Variants in KIAA0513 observed in about 807,000 individuals in gnomAD.
The protein encoded by KIAA0513 is uncharacterized protein KIAA0513.
Under a neutral mutation model 56.5 loss-of-function variants are expected in KIAA0513, and 39 were observed. The ratio of observed to expected loss-of-function variants is 0.69; its 90% confidence interval spans 0.53 to 0.90. KIAA0513 has a LOEUF of 0.90. Ranked by LOEUF, KIAA0513 falls within the 40% of genes least tolerant of loss-of-function variation. The pLI is 0.00. For missense variants in KIAA0513, 591 were observed against 535.2 expected, an observed-to-expected ratio of 1.10 and a Z score of -1.03; for synonymous variants, 268 against 215.6, an observed-to-expected ratio of 1.24 and a Z score of -2.13.
At chr16:85,059,172 G>A (rs368494765) in intron 1 of KIAA0513, among the ~76,000 whole-genome samples, 1 of 152,202 alleles carries the variant, frequency 6.6e-6, no homozygotes, top group African/African-American at 2.4e-5. Context: ...TTTTGGCTCA[G>A]ATAGGGTGTC....
chr16:85,035,178 C>A (rs1448337273), intron 1 of KIAA0513, among the ~76,000 whole-genome samples: 1 of 152,230 alleles, frequency 6.6e-6, no homozygotes, highest in Non-Finnish European at 1.5e-5. Flanking sequence ...GGTCTGTCCC[C>A]CATTCCGTGG....
At chr16:85,029,633 C>G (rs994513573) in intron 1 of KIAA0513, among the ~76,000 whole-genome samples, 1 of 152,190 alleles carries the variant, frequency 6.6e-6, no homozygotes, top group Non-Finnish European at 1.5e-5. Context: ...TCTCTCTCCT[C>G]CCACCTCCTC....
Position 85,066,949 on chromosome 16 carries a change from G to A in KIAA0513, c.-123G>A, listed in dbSNP as rs117934807. ...TGTGAAGGACTCATTCTTGGTAGCC[G>A]GCAGTTACTGGCAACTTGTGAGCTT... On this transcript the variant is annotated 5_prime_UTR_variant, in exon 2 of 13. Coordinates refer to ENST00000683363, the MANE Select transcript of KIAA0513 (RefSeq NM_001388359.1). The A allele has an allele frequency of 5.3e-4, 388 of 736,212 alleles. 2 individuals are homozygous for A. In the East Asian group the frequency reaches 6.0e-3, roughly 11 times the overall value. 45.6% of individuals were successfully genotyped at this position (736,212 alleles called of 1,614,324 possible).
At chr16:85,062,211 AACACAC>A (rs5818523) in intron 1 of KIAA0513, among the ~76,000 whole-genome samples, 1 of 149,376 alleles carries the variant, frequency 6.7e-6, no homozygotes, top group Non-Finnish European at 1.5e-5. Context: ...TACGTACGTA[AACACAC>A]ACACACACAC....
chr16:85,044,626 C>G (rs2073147217), intron 1 of KIAA0513, among the ~76,000 whole-genome samples: 1 of 151,856 alleles, frequency 6.6e-6, no homozygotes, highest in East Asian at 1.9e-4. Context: ...TCTGCCTCAG[C>G]CTACCAAGTA....
intron 1 of KIAA0513, among the ~76,000 whole-genome samples, chr16:85,050,905 C>T (rs2073244177): frequency 6.6e-6 from 1 of 152,158 alleles, no homozygotes. Context: ...CCTGTAATCC[C>T]AGCACTTCAG....
chr16:85,067,556 C>T (rs1269304427), intron 2 of KIAA0513, among the ~76,000 whole-genome samples, 156 bp downstream of exon 2: 1 of 152,202 alleles, frequency 6.6e-6, no homozygotes, highest in Admixed American at 6.5e-5. Context: ...GGGCCTCACT[C>T]CACTCCAGGC....
At chr16:85,044,544 G>T (rs1309495103) in intron 1 of KIAA0513, among the ~76,000 whole-genome samples, 1 of 147,966 alleles carries the variant, frequency 6.8e-6, no homozygotes, top group Non-Finnish European at 1.5e-5. Context: ...GACTCGCCCT[G>T]TCGCCAGGCT....
chr16:85,049,785 G>T (rs1412911439), intron 1 of KIAA0513, among the ~76,000 whole-genome samples: 1 of 152,066 alleles, frequency 6.6e-6, no homozygotes, highest in South Asian at 2.1e-4. Flanking sequence ...CCAGTCTCGG[G>T]TATTTCGTTA....
At chr16:85,062,397 G>T (rs1179400409) in intron 1 of KIAA0513, among the ~76,000 whole-genome samples, 1 of 152,182 alleles carries the variant, frequency 6.6e-6, no homozygotes, top group Non-Finnish European at 1.5e-5. Context: ...AATTTGGTTG[G>T]TGGAAGCCTC....
At chr16:85,078,369 T>G in intron 6 of KIAA0513, 46 bp from the exon 7 acceptor site, 1 of 1,608,638 alleles carries the variant, frequency 6.2e-7, no homozygotes, top group South Asian at 1.1e-5. Flanking sequence ...GTTGAGAAAG[T>G]GTGGTGTGAG....
At chr16:85,059,302 T>C (rs941242624) in intron 1 of KIAA0513, among the ~76,000 whole-genome samples, 2 of 152,234 alleles carry the variant, frequency 1.3e-5, no homozygotes, top group Non-Finnish European at 1.5e-5. Context: ...TATGCTGTGG[T>C]GTCCCTATAA....
intron 1 of KIAA0513, among the ~76,000 whole-genome samples, chr16:85,038,103 C>T (rs968228730): frequency 2.6e-5 from 4 of 152,234 alleles, no homozygotes; most frequent in African/African-American, 9.6e-5. Flanking sequence ...GGGCTGGTCC[C>T]TGTAGCCCTC....
intron 2 of KIAA0513, among the ~76,000 whole-genome samples, chr16:85,067,993 T>C (rs1439764624): frequency 6.6e-6 from 1 of 151,866 alleles, no homozygotes; most frequent in Non-Finnish European, 1.5e-5. Context: ...GTATTTTCAA[T>C]AGAGACAGGG....
rs1421482238 is a variant in KIAA0513, at chr16:85,077,438, G to C, written c.588G>C (p.Leu196=). 9.3e-6 allele frequency: 15 copies of C among 1,614,062 alleles called. No homozygotes were observed. Among genetic ancestry groups the C allele is most frequent in the Non-Finnish European group, 1.3e-5 (15 of 1,179,984 alleles). ...FTYYHIGKPQ[L]LPPESREKPA... is the part of the protein sequence containing the mutation. ...CTCTCATCCAAGGAAAACCACAGCT[G>C]CTGCCCCCGGAGTCCCGGGAGAAGC... Residue 196 remains leucine, a synonymous_variant, in exon 6 of 13, where the codon CTG becomes CTC. Coordinates refer to ENST00000683363, the MANE Select transcript of KIAA0513 (RefSeq NM_001388359.1).
chr16:85,086,159 G>A (rs190244306), intron 10 of KIAA0513, among the ~76,000 whole-genome samples: 3 of 152,232 alleles, frequency 2.0e-5, no homozygotes, highest in African/African-American at 4.8e-5. Flanking sequence ...CACCTCGCTT[G>A]GCCCATCAGG....
At chr16:85,044,027 T>G (rs1424264543) in intron 1 of KIAA0513, among the ~76,000 whole-genome samples, 20 of 152,052 alleles carry the variant, frequency 1.3e-4, no homozygotes, top group Non-Finnish European at 2.4e-4. Context: ...CAAAACTCAG[T>G]CTCAAGAGAA....
Position 85,086,972 on chromosome 16 carries a change from C to G in KIAA0513, c.1092-100C>G, listed in dbSNP as rs1228848042. The G allele has an allele frequency of 6.9e-6, 8 of 1,154,234 alleles. No homozygotes were observed. In the South Asian group the frequency reaches 9.4e-5, roughly 14 times the overall value. The allele number at this position is 1,154,234 out of a possible 1,614,324, so 71.5% of individuals were successfully genotyped here. ...TGCGTTTTAGTTTCTGCTGACAATT[C>G]CAGGCAGGCCATGGTGGGCGTCCCA... On this transcript the variant is annotated intron_variant, in intron 11 of 12. Transcript: ENST00000683363.
chr16:85,027,796 C>G lies in KIAA0513; in HGVS notation c.-235C>G, dbSNP rs964553624. On this transcript the variant is annotated 5_prime_UTR_variant, in exon 1 of 13. Coordinates refer to ENST00000683363, the MANE Select transcript of KIAA0513 (RefSeq NM_001388359.1). ...AGGACCCGGCTGCTCGCGGGCGGCG[C>G]AGTCGCCGCAGCAGCCGAGTCTGAC... 2 of 152,110 alleles carry G rather than the reference C, an allele frequency of 1.3e-5. No homozygotes were observed. The highest frequency in any genetic ancestry group is 4.8e-5 in the African/African-American group (2 of 41,434). 9.4% of individuals were successfully genotyped at this position (152,110 alleles called of 1,614,324 possible). A position where few individuals can be genotyped will look rare whatever the true frequency, so the allele number is the denominator to read the frequency against.
Sources: gnomAD v4.1 joint callset for allele counts (sites outside exome capture counted in the v4.1 genomes callset) on GRCh38, gnomAD v4.1.1 for gene constraint, MANE v1.5 for transcripts, NCBI Gene and HGNC (gene_info 2026-07-23, HGNC 2026-07-21) for gene names.